Variants in P4HA3 observed in about 807,000 individuals in gnomAD.
P4HA3 encodes the protein prolyl 4-hydroxylase subunit alpha-3.
In P4HA3, 60 loss-of-function variants were observed where a neutral mutation model predicts 66.7. The observed-to-expected ratio is 0.90, with a 90% confidence interval of 0.73 to 1.12. P4HA3 has a LOEUF of 1.12. P4HA3 is among the 50% of genes most tolerant of loss of function. The probability of loss-of-function intolerance (pLI) is 0.00; values close to 1 mark genes in which losing one functional copy is unlikely to be tolerated. For missense variants in P4HA3, 683 were observed against 685.8 expected (o/e 1.00, Z 0.05); for synonymous variants, 263 against 274.6 (o/e 0.96, Z 0.42).
chr11:74,285,751 G>C (rs1860770666), intron 7 of P4HA3, 58 bp downstream of exon 7: 1 of 1,554,908 alleles, frequency 6.4e-7, no homozygotes, highest in South Asian at 1.2e-5. Flanking sequence ...TTACACTCCT[G>C]AACTCCAGGC....
intron 2 of P4HA3, 128 bp downstream of exon 2, chr11:74,304,142 A>G: frequency 8.3e-7 from 1 of 1,205,450 alleles, no homozygotes; most frequent in Admixed American, 2.2e-5. Flanking sequence ...AGCTAGAGCT[A>G]AGGATATTAA....
intron 11 of P4HA3, among the ~76,000 whole-genome samples, chr11:74,268,835 C>T (rs1227535957): frequency 6.6e-6 from 1 of 152,174 alleles, no homozygotes; most frequent in Non-Finnish European, 1.5e-5. Context: ...ATGTTTTTCC[C>T]CCATACACGG....
intron 1 of P4HA3, among the ~76,000 whole-genome samples, chr11:74,311,159 T>A (rs533004648): frequency 6.6e-6 from 1 of 152,038 alleles, no homozygotes; most frequent in Admixed American, 6.5e-5. Flanking sequence ...GACCCAACCC[T>A]CGCCAACACC....
At chr11:74,280,408 C>T (rs1038749551) in intron 7 of P4HA3, among the ~76,000 whole-genome samples, 2 of 152,192 alleles carry the variant, frequency 1.3e-5, no homozygotes, top group African/African-American at 4.8e-5. Context: ...GATCCTCCCA[C>T]CTCGGCCTCC....
chr11:74,289,045 C>A (rs774492408), intron 5 of P4HA3, 34 bp downstream of exon 5: 59 of 1,469,030 alleles, frequency 4.0e-5, no homozygotes, highest in Non-Finnish European at 4.9e-5. Context: ...GTAAATCAGA[C>A]CTGTGGCTGG....
intron 12 of P4HA3, 51 bp from the exon 13 acceptor site, chr11:74,267,369 C>G (rs774685142): frequency 6.2e-7 from 1 of 1,603,994 alleles, no homozygotes; most frequent in Non-Finnish European, 8.5e-7. Flanking sequence ...GAACAGACAG[C>G]AGCAATGCTG....
chr11:74,268,102 G>C (rs1777297183), intron 12 of P4HA3, 43 bp downstream of exon 12: 4 of 1,547,956 alleles, frequency 2.6e-6, no homozygotes, highest in Non-Finnish European at 2.7e-6. Context: ...ACTCTACTCT[G>C]CACCCTGTAC....
intron 1 of P4HA3, among the ~76,000 whole-genome samples, chr11:74,306,719 T>C (rs1039693100): frequency 6.6e-6 from 1 of 152,158 alleles, no homozygotes; most frequent in African/African-American, 2.4e-5. Context: ...GGTCCTCAAC[T>C]ATGAAATGAA....
chr11:74,305,516 G>A (rs1861553673), intron 1 of P4HA3, among the ~76,000 whole-genome samples: 2 of 152,080 alleles, frequency 1.3e-5, no homozygotes, highest in African/African-American at 2.4e-5. Flanking sequence ...ACCTGGGTTC[G>A]CAGCTGATTA....
chr11:74,300,026 A>G (rs772065024), intron 3 of P4HA3, among the ~76,000 whole-genome samples: 16 of 152,338 alleles, frequency 1.1e-4, no homozygotes, highest in Non-Finnish European at 1.9e-4. Flanking sequence ...AATATTCTCA[A>G]TTTTGAGCCT....
chr11:74,304,727 C>T (rs551004073), intron 1 of P4HA3, among the ~76,000 whole-genome samples: 1 of 152,228 alleles, frequency 6.6e-6, no homozygotes, highest in African/African-American at 2.4e-5. Context: ...GTCTTTTTCT[C>T]CTGTCATCAC....
At chr11:74,291,889 T>C (rs530959714) in intron 4 of P4HA3, among the ~76,000 whole-genome samples, 2 of 152,306 alleles carry the variant, frequency 1.3e-5, no homozygotes, top group South Asian at 2.1e-4. Flanking sequence ...TCATCAAGGA[T>C]ATTGGTCTAA....
chr11:74,307,593 C>T (rs1173359467), intron 1 of P4HA3, among the ~76,000 whole-genome samples: 2 of 152,190 alleles, frequency 1.3e-5, no homozygotes, highest in Admixed American at 6.5e-5. Context: ...TGGCCCTATG[C>T]CCAGCCTCTG....
At chr11:74,288,114 T>C (rs60610828) in intron 5 of P4HA3, among the ~76,000 whole-genome samples, 10,915 of 152,214 alleles carry the variant, frequency 0.072, 634 homozygotes, top group African/African-American at 0.16. Context: ...CCTAGGAAGC[T>C]ATCTACCACT....
At chr11:74,254,749 T>C (rs1331391879) in intron 15 of P4HA3, 2 of 152,758 alleles carry the variant, frequency 1.3e-5, no homozygotes, top group African/African-American at 4.8e-5. Context: ...TCTGCTGATA[T>C]GGGGGCAGGG....
At chr11:74,304,495 G>A (rs1839555924) in intron 1 of P4HA3, 83 bp from the exon 2 acceptor site, 6 of 1,490,470 alleles carry the variant, frequency 4.0e-6, no homozygotes, top group African/African-American at 2.8e-5. Flanking sequence ...TGTACATTAA[G>A]AGTAGCTAAC....
At chr11:74,256,369 A>C (rs1212931944) in intron 15 of P4HA3, among the ~76,000 whole-genome samples, 1 of 151,548 alleles carries the variant, frequency 6.6e-6, no homozygotes, top group African/African-American at 2.5e-5. Context: ...TTTCATCTCC[A>C]TTCATCCTTT....
At position 74,267,996 on chromosome 11, in the gene P4HA3, C is replaced by A. The variant is rs532268023; in HGVS notation, c.1564+149G>T. 4.1e-5 allele frequency: 29 copies of A among 701,066 alleles called. 1 individual carries two copies. Among genetic ancestry groups the A allele is most frequent in the African/African-American group, 3.2e-4 (18 of 56,308 alleles). The allele number at this position is 701,066 out of a possible 1,614,324, so 43.4% of individuals were successfully genotyped here. A position where few individuals can be genotyped will look rare whatever the true frequency, so the allele number is the denominator to read the frequency against. Reference sequence around the variant, plus strand: ...ATAGGCTCCCAGTCTGTTGGGGGCACCTCATTCATAATCTGATCTTCTCAA... The same window carrying A: ...ATAGGCTCCCAGTCTGTTGGGGGCAACTCATTCATAATCTGATCTTCTCAA... On this transcript the variant is annotated intron_variant, in intron 12 of 12. Transcript: ENST00000331597.
intron 4 of P4HA3, among the ~76,000 whole-genome samples, chr11:74,289,987 T>C (rs1302626596): frequency 2.6e-5 from 4 of 152,304 alleles, no homozygotes; most frequent in African/African-American, 9.6e-5. Flanking sequence ...TCAAATGGTA[T>C]TTCTAGTTCT....
Sources: allele counts gnomAD v4.1 joint callset (sites outside exome capture counted in the v4.1 genomes callset), GRCh38; gene constraint gnomAD v4.1.1; transcripts MANE v1.5; gene names NCBI Gene and HGNC (gene_info 2026-07-23, HGNC 2026-07-21).